The following CYB5A variants were observed in gnomAD, a reference collection of about 807,000 sequenced individuals.
The protein encoded by CYB5A is cytochrome b5.
In CYB5A, 10 loss-of-function variants were observed where a neutral mutation model predicts 16.2. That is an observed-to-expected ratio of 0.62 (90% CI 0.38 to 1.04). The LOEUF is 1.04. Ranked by LOEUF, CYB5A falls within the 50% of genes least tolerant of loss-of-function variation. The probability of loss-of-function intolerance (pLI) is 0.01; values close to 1 mark genes in which losing one functional copy is unlikely to be tolerated. For missense variants in CYB5A, 161 were observed against 165.9 expected (o/e 0.97, Z 0.16); for synonymous variants, 62 against 57.0 (o/e 1.09, Z -0.40).
At chr18:74,256,794 G>A in intron 3 of CYB5A, 2 of 1,608,248 alleles carry the variant, frequency 1.2e-6, no homozygotes, top group Non-Finnish European at 1.7e-6. Context: ...CCCCTTTCAG[G>A]GAAAAGCAAG....
intron 1 of CYB5A, among the ~76,000 whole-genome samples, chr18:74,284,631 G>A (rs543342965): frequency 1.3e-5 from 2 of 152,296 alleles, no homozygotes; most frequent in South Asian, 4.1e-4. Flanking sequence ...AACTACAGAA[G>A]AGTTCAAGTG....
intron 4 of CYB5A, 79 bp downstream of exon 4, chr18:74,255,662 G>T (rs1411234941): frequency 2.5e-6 from 3 of 1,186,204 alleles, no homozygotes; most frequent in Non-Finnish European, 3.8e-6. Flanking sequence ...GAACCCAGAA[G>T]GTGGGGGACG....
chr18:74,254,038 G>A (rs963132738), intron 4 of CYB5A, among the ~76,000 whole-genome samples: 3 of 152,178 alleles, frequency 2.0e-5, no homozygotes, highest in Admixed American at 6.5e-5. Context: ...GTAGCTGGGC[G>A]TGGTGGCAGT....
At chr18:74,273,753 A>G (rs981065839) in intron 1 of CYB5A, among the ~76,000 whole-genome samples, 1 of 151,972 alleles carries the variant, frequency 6.6e-6, no homozygotes, top group African/African-American at 2.4e-5. Flanking sequence ...CAAGGCTTTC[A>G]GAGCCAGCTC....
At chr18:74,276,583 T>C (rs1329644704) in intron 1 of CYB5A, among the ~76,000 whole-genome samples, 1 of 150,958 alleles carries the variant, frequency 6.6e-6, no homozygotes, top group Non-Finnish European at 1.5e-5. Flanking sequence ...AGGGTTCCAC[T>C]TGACTACAAG....
chr18:74,268,128 G>A (rs563697335), intron 1 of CYB5A, among the ~76,000 whole-genome samples: 11 of 152,356 alleles, frequency 7.2e-5, no homozygotes, highest in South Asian at 4.1e-4. Context: ...AGATAGCGAC[G>A]GCTCCCGCCT....
At position 74,252,639 on chromosome 18, in the gene CYB5A, G is replaced by A. The variant is rs1981810080; in HGVS notation, c.*945C>T. ...TGCGATGCCCTCTCATGGTTCATGT[G>A]TTTTTAAGTTGCTGATGTTTTTCAA... On this transcript the variant is annotated 3_prime_UTR_variant, in exon 5 of 5. Transcript: ENST00000340533. 6.6e-6 allele frequency: 1 copy of A among 152,176 alleles called. No homozygotes were observed. The highest frequency in any genetic ancestry group is 1.9e-4 in the East Asian group (1 of 5,188). 9.4% of individuals were successfully genotyped at this position (152,176 alleles called of 1,614,324 possible).
chr18:74,260,975 A>C (rs1982177040), intron 2 of CYB5A, 31 bp from the exon 3 acceptor site: 1 of 1,594,870 alleles, frequency 6.3e-7, no homozygotes, highest in Non-Finnish European at 8.6e-7. Flanking sequence ...ACATTATGGA[A>C]TTTAAAAATC....
At chr18:74,260,638 T>C in intron 3 of CYB5A, 1 of 486,358 alleles carries the variant, frequency 2.1e-6, no homozygotes. Flanking sequence ...CGTGCTACCA[T>C]AAAAAGTAGC....
At chr18:74,260,076 A>G (rs1055983750) in intron 3 of CYB5A, 11 of 152,324 alleles carry the variant, frequency 7.2e-5, no homozygotes, top group African/African-American at 2.7e-4. Context: ...TAGATTAAAG[A>G]TGATGTCTTG....
intron 1 of CYB5A, among the ~76,000 whole-genome samples, chr18:74,269,319 A>G (rs573570486): frequency 1.7e-5 from 2 of 117,824 alleles, no homozygotes; most frequent in East Asian, 4.6e-4. Context: ...TGTTCATCCA[A>G]CCTTCTCGGC....
At chr18:74,284,812 A>T (rs1050426028) in intron 1 of CYB5A, among the ~76,000 whole-genome samples, 3 of 152,172 alleles carry the variant, frequency 2.0e-5, no homozygotes, top group Non-Finnish European at 4.4e-5. Context: ...TCATTTTGGC[A>T]TGGGCCTGCT....
chr18:74,281,237 T>C (rs1172270655), intron 1 of CYB5A, among the ~76,000 whole-genome samples: 1 of 152,080 alleles, frequency 6.6e-6, no homozygotes, highest in Non-Finnish European at 1.5e-5. Flanking sequence ...GCAGGTGTGT[T>C]TCCCACGTTA....
At chr18:74,277,016 C>T (rs962336524) in intron 1 of CYB5A, among the ~76,000 whole-genome samples, 2 of 152,176 alleles carry the variant, frequency 1.3e-5, no homozygotes, top group African/African-American at 4.8e-5. Context: ...ATTCCAAATG[C>T]TTAACATACC....
At chr18:74,256,694 TA>T (rs1981995964) in intron 3 of CYB5A, 4 of 809,458 alleles carry the variant, frequency 4.9e-6, no homozygotes, top group South Asian at 1.6e-5. Flanking sequence ...AAAGCAAAGA[TA>T]AAAAGCATTA....
At chr18:74,289,869 A>G (rs1188751946) in intron 1 of CYB5A, among the ~76,000 whole-genome samples, 1 of 151,970 alleles carries the variant, frequency 6.6e-6, no homozygotes, top group Non-Finnish European at 1.5e-5. Flanking sequence ...TACAATGCCC[A>G]GGACAGACGC....
At chr18:74,256,027 T>C (rs1160790526) in intron 3 of CYB5A, 1 of 483,252 alleles carries the variant, frequency 2.1e-6, no homozygotes, top group African/African-American at 1.9e-5. Context: ...AAAATTAATA[T>C]GCTACATAAA....
intron 4 of CYB5A, 61 bp downstream of exon 4, chr18:74,255,680 T>C (rs1981948503): frequency 6.9e-7 from 1 of 1,439,946 alleles, no homozygotes. Flanking sequence ...ACGCACCTTG[T>C]CCAACCTGGA....
At chr18:74,264,439 C>CT (rs1421156154) in intron 1 of CYB5A, among the ~76,000 whole-genome samples, 1 of 151,916 alleles carries the variant, frequency 6.6e-6, no homozygotes, top group African/African-American at 2.4e-5. Context: ...ACATCTTAGT[C>CT]TAAGTGTGGC....
Sources: gnomAD v4.1 joint callset for allele counts (sites outside exome capture counted in the v4.1 genomes callset) on GRCh38, gnomAD v4.1.1 for gene constraint, MANE v1.5 for transcripts, NCBI Gene and HGNC (gene_info 2026-07-23, HGNC 2026-07-21) for gene names.